Variants in PDZD2 observed in about 807,000 individuals in gnomAD.
The protein encoded by PDZD2 is PDZ domain containing 2.
PDZD2 carries 90 observed loss-of-function variants against 220.7 expected under a neutral mutation model. That is an observed-to-expected ratio of 0.41 (90% confidence interval 0.34 to 0.49). PDZD2 has a LOEUF of 0.49. Ranked by LOEUF, PDZD2 falls within the 20% of genes least tolerant of loss-of-function variation. The pLI is 0.28. For missense variants in PDZD2, 3,174 were observed against 3,608.5 expected (o/e 0.88, Z 3.08); for synonymous variants, 1,375 against 1,450.5 (o/e 0.95, Z 1.18).
intron 1 of PDZD2, among the ~76,000 whole-genome samples, chr5:31,736,269 G>A (rs879939293): frequency 6.6e-6 from 1 of 152,128 alleles, no homozygotes; most frequent in Non-Finnish European, 1.5e-5. Flanking sequence ...CACTGCTCGC[G>A]TTCTGCCTGG....
At chr5:31,682,387 TTG>T (rs1237839839) in intron 1 of PDZD2, among the ~76,000 whole-genome samples, 5 of 152,156 alleles carry the variant, frequency 3.3e-5, no homozygotes, top group Admixed American at 1.3e-4. Context: ...GTTGATAGCT[TTG>T]TGTTTCCGGA....
In PDZD2 at chr5:32,032,143, A is replaced by G. The variant is rs1338831603; in HGVS notation, c.1408-5088A>G. On this transcript the variant is annotated intron_variant, in intron 6 of 24. Transcript: ENST00000438447. ...TCTTCTCTTCTTCATTTCTGAAGTA[A>G]ACGTGGGGGAGAGCAGGAAGAACTG... Among the ~76,000 whole-genome samples, 5 of 152,154 alleles carry G rather than the reference A, an allele frequency of 3.3e-5. No homozygotes were observed. In the East Asian group the frequency reaches 7.7e-4, roughly 23 times the overall value.
chr5:31,882,889 G>A lies in PDZD2; in HGVS notation c.476+83165G>A, dbSNP rs186175257. Among the ~76,000 whole-genome samples the A allele has an allele frequency of 1.1e-4, 16 of 152,038 alleles. 1 individual carries two copies. In the East Asian group the frequency reaches 3.1e-3, roughly 30 times the overall value. The stretch of plus-strand genomic sequence containing the variant: ...GCTAAAAATAACAAAAGTTAGCTGA[G>A]CCTGATTGTGAGTGTCTGTAATCCC... On this transcript the variant is annotated intron_variant, in intron 2 of 24. Transcript: ENST00000438447.
intron 19 of PDZD2, among the ~76,000 whole-genome samples, chr5:32,082,268 C>G (rs1166188585): frequency 6.6e-6 from 1 of 152,084 alleles, no homozygotes; most frequent in Non-Finnish European, 1.5e-5. Context: ...GTGATCCACC[C>G]ACCTCAGCCT....
intron 16 of PDZD2, 40 bp from the exon 17 acceptor site, chr5:32,072,121 C>G: frequency 6.8e-7 from 1 of 1,466,914 alleles, no homozygotes; most frequent in Non-Finnish European, 9.5e-7. Context: ...TCTGCTTCTG[C>G]TGTGTTTTCT....
intron 10 of PDZD2, among the ~76,000 whole-genome samples, chr5:32,056,006 G>A (rs1351973261): frequency 1.3e-5 from 2 of 152,136 alleles, no homozygotes; most frequent in South Asian, 2.1e-4. Context: ...CCTAAATAGC[G>A]TTTTTTCATA....
At chr5:31,758,739 AT>A (rs1375049568) in intron 1 of PDZD2, among the ~76,000 whole-genome samples, 3 of 152,058 alleles carry the variant, frequency 2.0e-5, no homozygotes, top group African/African-American at 7.2e-5. Flanking sequence ...GGCCCCTTCC[AT>A]CTTCATTCTC....
intron 2 of PDZD2, among the ~76,000 whole-genome samples, chr5:31,908,063 A>ACAGAGC (rs1491170153): frequency 2.3e-5 from 3 of 130,334 alleles, no homozygotes; most frequent in African/African-American, 9.0e-5. Flanking sequence ...AGCCTGGGTG[A>ACAGAGC]CAGAGCCAGG....
intron 1 of PDZD2, among the ~76,000 whole-genome samples, chr5:31,752,089 T>TTTTTTTTTTG (rs1169621744): frequency 7.1e-6 from 1 of 141,102 alleles, no homozygotes; most frequent in African/African-American, 2.7e-5. Context: ...TTTTTTTTTT[T>TTTTTTTTTTG]TCTGAGACAA....
At chr5:31,666,341 G>A (rs1377535327) in intron 1 of PDZD2, among the ~76,000 whole-genome samples, 2 of 152,178 alleles carry the variant, frequency 1.3e-5, no homozygotes, top group African/African-American at 4.8e-5. Flanking sequence ...GGAGCATGGG[G>A]TTTTAATTTT....
intron 10 of PDZD2, 84 bp from the exon 11 acceptor site, chr5:32,057,571 T>C: frequency 2.6e-6 from 2 of 775,630 alleles, no homozygotes; most frequent in Non-Finnish European, 4.5e-6. Flanking sequence ...GACCATATGG[T>C]ATCCCAAAAT....
intron 1 of PDZD2, among the ~76,000 whole-genome samples, chr5:31,755,929 C>T (rs1176573698): frequency 6.6e-6 from 1 of 151,872 alleles, no homozygotes; most frequent in East Asian, 1.9e-4. Flanking sequence ...AGACAACAGC[C>T]CTCATTGACT....
At position 32,109,795 on chromosome 5, in the gene PDZD2, T is replaced by C. The variant is rs900476675; in HGVS notation, c.*1660T>C. The stretch of plus-strand genomic sequence containing the variant: ...ATGGAGGGGCTTTAGCCATCAGCTT[T>C]GTACATCATCATTTTTCTGAATGAC... On this transcript the variant is annotated 3_prime_UTR_variant, in exon 25 of 25. Transcript: ENST00000438447. 1 of 152,590 alleles carries C rather than the reference T, an allele frequency of 6.6e-6. No individual in the cohort carries two copies. Among genetic ancestry groups the C allele is most frequent in the Non-Finnish European group, 1.5e-5 (1 of 68,042 alleles). 9.5% of individuals were successfully genotyped at this position (152,590 alleles called of 1,614,324 possible).
chr5:31,749,989 C>T (rs1313160285), intron 1 of PDZD2, among the ~76,000 whole-genome samples: 1 of 152,190 alleles, frequency 6.6e-6, no homozygotes, highest in East Asian at 1.9e-4. Context: ...GGCTCCGAAA[C>T]CTGGGGCCAT....
At chr5:31,697,081 A>C (rs1747410809) in intron 1 of PDZD2, among the ~76,000 whole-genome samples, 1 of 152,242 alleles carries the variant, frequency 6.6e-6, no homozygotes, top group Non-Finnish European at 1.5e-5. Context: ...GAGAAAGGCC[A>C]GAGAAACTGG....
At chr5:31,820,378 C>A (rs1755763996) in intron 2 of PDZD2, among the ~76,000 whole-genome samples, 1 of 147,216 alleles carries the variant, frequency 6.8e-6, no homozygotes, top group South Asian at 2.2e-4. Context: ...AAAAGTGGAA[C>A]CAGATTGGTC....
intron 1 of PDZD2, among the ~76,000 whole-genome samples, chr5:31,728,641 A>C (rs891603485): frequency 5.3e-5 from 8 of 152,180 alleles, no homozygotes; most frequent in Non-Finnish European, 1.2e-4. Flanking sequence ...TTGGTTGCAC[A>C]GATTTGTTTA....
chr5:31,894,051 C>T (rs570332722), intron 2 of PDZD2, among the ~76,000 whole-genome samples: 57 of 146,050 alleles, frequency 3.9e-4, no homozygotes, highest in African/African-American at 1.4e-3. Flanking sequence ...TGCGCCACCA[C>T]GCCCAGCTTT....
chr5:31,766,277 T>C (rs1381922293), intron 1 of PDZD2, among the ~76,000 whole-genome samples: 1 of 152,220 alleles, frequency 6.6e-6, no homozygotes, highest in East Asian at 1.9e-4. Context: ...TTTATAGTAT[T>C]GTTTTCTACA....
Sources: allele counts gnomAD v4.1 joint callset (sites outside exome capture counted in the v4.1 genomes callset), GRCh38; gene constraint gnomAD v4.1.1; transcripts MANE v1.5; gene names NCBI Gene and HGNC (gene_info 2026-07-23, HGNC 2026-07-21).